Variants in CMSS1 observed in about 807,000 individuals in gnomAD.
The protein encoded by CMSS1 is cms1 ribosomal small subunit homolog.
CMSS1 carries 33 observed loss-of-function variants against 43.5 expected under a neutral mutation model. The ratio of observed to expected loss-of-function variants is 0.76; its 90% CI spans 0.57 to 1.01. The LOEUF (loss-of-function observed/expected upper bound fraction) is 1.01. CMSS1 is among the 50% of genes least tolerant of loss of function. CMSS1 has a pLI of 0.00. For missense variants in CMSS1, 313 were observed against 326.4 expected (o/e 0.96, Z 0.32); for synonymous variants, 115 against 117.2 (o/e 0.98, Z 0.12).
chr3:99,854,812 G>A lies in CMSS1; in HGVS notation c.64+36769G>A, dbSNP rs1943878570. On this transcript the variant is annotated intron_variant, in intron 1 of 9. Transcript: ENST00000421999. ...TGCTTTACTCAGCTTTAATTAAACA[G>A]GTGCAACTGAGAGCTCCCACCTGAA... Among the ~76,000 whole-genome samples the A allele has an allele frequency of 2.0e-5, 3 of 152,142 alleles. 1 individual carries two copies. The highest frequency in any genetic ancestry group is 2.0e-4 in the Admixed American group (3 of 15,262).
At chr3:99,998,998 T>C (rs967788844) in intron 1 of CMSS1, among the ~76,000 whole-genome samples, 3 of 152,218 alleles carry the variant, frequency 2.0e-5, no homozygotes, top group Admixed American at 6.5e-5. Context: ...GGTTTATTCT[T>C]TAATACTTAG....
chr3:100,160,404 A>T (rs766233242), intron 2 of CMSS1, 26 bp from the exon 3 acceptor site: 2 of 1,198,564 alleles, frequency 1.7e-6, no homozygotes, highest in Non-Finnish European at 2.4e-6. Flanking sequence ...AAAGATTAAA[A>T]TGTTCTCATT....
At chr3:100,165,544 A>G (rs1021009214) in intron 4 of CMSS1, among the ~76,000 whole-genome samples, 2 of 152,116 alleles carry the variant, frequency 1.3e-5, no homozygotes, top group African/African-American at 4.8e-5. Flanking sequence ...TTCACTTGAC[A>G]CTTTTTCCAG....
rs189871565 is a variant in CMSS1, at chr3:100,162,344, A to G, written c.267A>G (p.Pro89=). 33 of 1,613,250 alleles carry G rather than the reference A, an allele frequency of 2.0e-5. No homozygotes were observed. The highest frequency in any genetic ancestry group is 6.7e-5 in the Admixed American group (4 of 59,932). The stretch of plus-strand genomic sequence containing the variant: ...TTCTTGCAAAATCAGAACCAAAACC[A>G]GGGTTACCTGAAGACCTACAGAAGC... ...TDVLAKSEPK[P]GLPEDLQKLM... is the part of the protein sequence containing the mutation. The change falls in exon 4 of 10, where the codon CCA becomes CCG. Residue 89 remains proline, a synonymous_variant. Transcript: ENST00000421999.
chr3:100,159,905 G>T (rs536275080), intron 2 of CMSS1: 1 of 456,582 alleles, frequency 2.2e-6, no homozygotes, highest in East Asian at 6.9e-5. Flanking sequence ...GATGCAGCTG[G>T]TTTATAAAAA....
At chr3:100,003,917 T>A (rs957509061) in intron 1 of CMSS1, among the ~76,000 whole-genome samples, 1 of 152,192 alleles carries the variant, frequency 6.6e-6, no homozygotes, top group Non-Finnish European at 1.5e-5. Flanking sequence ...ATTTACATTG[T>A]GCAAACAAGT....
In CMSS1 at chr3:100,172,388, G is replaced by T; in HGVS notation, c.652G>T (p.Glu218Ter). Reference protein sequence around the residue: ...LGVGTPGRIKELVKQGGLNLS... With the variant: ...LGVGTPGRIK ...TGTAGGAACTCCGGGGAGAATTAAA[G>T]AACTTGTTAAACAAGGTATGACAAG... Residue 218 changes from glutamate (E) to a stop codon, truncating the protein, a stop_gained, in exon 8 of 10, where the codon GAA becomes TAA. Transcript: ENST00000421999. LOFTEE classifies it high-confidence loss of function. 6.2e-7 allele frequency: 1 copy of T among 1,613,732 alleles called. No homozygotes were observed. The highest frequency in any genetic ancestry group is 8.5e-7 in the Non-Finnish European group (1 of 1,179,772).
intron 1 of CMSS1, among the ~76,000 whole-genome samples, chr3:100,055,795 T>G (rs1446817706): frequency 1.3e-5 from 2 of 152,244 alleles, no homozygotes; most frequent in Non-Finnish European, 2.9e-5. Flanking sequence ...ATTTCAGAAA[T>G]TTTTTAATAT....
At position 99,826,512 on chromosome 3, in the gene CMSS1, C is replaced by T. The variant is rs144763268; in HGVS notation, c.64+8469C>T. Among the ~76,000 whole-genome samples, 4 of 152,290 alleles carry T rather than the reference C, an allele frequency of 2.6e-5. No individual in the cohort carries two copies. In the East Asian group the frequency reaches 5.8e-4, roughly 22 times the overall value. On this transcript the variant is annotated intron_variant, in intron 1 of 9. Coordinates refer to ENST00000421999, the MANE Select transcript of CMSS1 (RefSeq NM_032359.4). The stretch of plus-strand genomic sequence containing the variant: ...ATATTTGAATTTTATGTAATTTTCA[C>T]GTCACAAAATAGTCTTATTTTGATT...
chr3:99,880,335 A>G (rs1705681418), intron 1 of CMSS1, among the ~76,000 whole-genome samples: 1 of 152,170 alleles, frequency 6.6e-6, no homozygotes, highest in Admixed American at 6.5e-5. Flanking sequence ...CTGTACTTAA[A>G]AGAGCCTTTA....
intron 1 of CMSS1, among the ~76,000 whole-genome samples, chr3:99,998,487 G>A (rs1709746229): frequency 6.6e-6 from 1 of 152,158 alleles, no homozygotes; most frequent in African/African-American, 2.4e-5. Flanking sequence ...GCACAATTTG[G>A]TAAAGGGAAG....
intron 1 of CMSS1, among the ~76,000 whole-genome samples, chr3:100,011,515 T>C (rs1465791688): frequency 1.3e-5 from 2 of 152,190 alleles, no homozygotes; most frequent in South Asian, 2.1e-4. Context: ...CCAGTTTTAA[T>C]TTTATAAACT....
rs180950925 is a variant in CMSS1 at position 100,030,499 on chromosome 3, A to G, written c.65-116474A>G. ...AAGGCATTATTGCTCATTCTCATTC[A>G]TGCATGTCTCATCTACTCTAGTCTT... is the stretch of plus-strand genomic sequence containing the variant. On this transcript the variant is annotated intron_variant, in intron 1 of 9. Transcript: ENST00000421999. 2.8e-4 allele frequency among the ~76,000 whole-genome samples: 42 copies of G among 152,304 alleles called. No individual in the cohort carries two copies. In the East Asian group the frequency reaches 6.6e-3, roughly 24 times the overall value.
intron 1 of CMSS1, among the ~76,000 whole-genome samples, chr3:99,956,685 A>G (rs1429590460): frequency 1.3e-5 from 2 of 152,170 alleles, no homozygotes; most frequent in Admixed American, 1.3e-4. Context: ...ATCGCCTCTT[A>G]AATCTTGCCC....
chr3:100,016,746 GT>G (rs1463292984), intron 1 of CMSS1, among the ~76,000 whole-genome samples: 1 of 152,094 alleles, frequency 6.6e-6, no homozygotes, highest in Non-Finnish European at 1.5e-5. Flanking sequence ...AATCTGAATT[GT>G]AACATTTTAG....
chr3:100,019,878 A>T (rs1272145440), intron 1 of CMSS1, among the ~76,000 whole-genome samples: 1 of 152,172 alleles, frequency 6.6e-6, no homozygotes, highest in African/African-American at 2.4e-5. Flanking sequence ...AATTCCAGAA[A>T]GCTACAGTGA....
At chr3:100,022,570 T>C (rs1347471498) in intron 1 of CMSS1, among the ~76,000 whole-genome samples, 1 of 152,202 alleles carries the variant, frequency 6.6e-6, no homozygotes, top group African/African-American at 2.4e-5. Context: ...TGGTTTATTA[T>C]TCTTTTGGCT....
intron 1 of CMSS1, among the ~76,000 whole-genome samples, chr3:99,842,267 AGGAGGAGCTAAGCT>A (rs1232424802): frequency 6.6e-6 from 1 of 152,192 alleles, no homozygotes; most frequent in African/African-American, 2.4e-5. Flanking sequence ...CTCACTCATA[AGGAGGAGCTAAGCT>A]ATGAGGACAC....
rs1381945165 is a variant in CMSS1, at chr3:99,958,343, C to T, written c.64+140300C>T. Among the ~76,000 whole-genome samples the T allele has an allele frequency of 3.3e-5, 5 of 151,684 alleles. No homozygotes were observed. In the East Asian group the frequency reaches 5.8e-4, roughly 18 times the overall value. The stretch of plus-strand genomic sequence containing the variant: ...ACCCAGGGTCTATTTTTAACTGCCA[C>T]GGCTTGAGCAGAGCCATGAAGAGAG... On this transcript the variant is annotated intron_variant, in intron 1 of 9. Coordinates refer to ENST00000421999, the MANE Select transcript of CMSS1 (RefSeq NM_032359.4).
Sources: allele counts gnomAD v4.1 joint callset (sites outside exome capture counted in the v4.1 genomes callset), GRCh38; gene constraint gnomAD v4.1.1; transcripts MANE v1.5; gene names NCBI Gene and HGNC (gene_info 2026-07-23, HGNC 2026-07-21).